The following KLHL29 variants were observed in gnomAD, a reference collection of about 807,000 sequenced individuals.
KLHL29 encodes the protein kelch-like protein 29.
KLHL29 carries 21 observed loss-of-function variants against 80.4 expected under a neutral mutation model. That is an observed-to-expected ratio of 0.26 (90% CI 0.19 to 0.38). KLHL29 has a LOEUF of 0.38. Ranked by LOEUF, KLHL29 falls within the 10% of genes least tolerant of loss-of-function variation. The pLI, the probability that KLHL29 is intolerant of heterozygous loss-of-function variation, is 1.00. For synonymous variants in KLHL29, 511 were observed against 526.8 expected, an observed-to-expected ratio of 0.97 and a Z score of 0.41; for missense variants, 867 against 1,223.9, an observed-to-expected ratio of 0.71 and a Z score of 4.35.
At chr2:23,580,533 A>AGCCGG in intron 3 of KLHL29, among the ~76,000 whole-genome samples, 2 of 38,024 alleles carry the variant, frequency 5.3e-5, no homozygotes, top group African/African-American at 1.4e-4. Flanking sequence ...AAATTAGCTT[A>AGCCGG]GCGTGGTGGC....
At chr2:23,616,803 T>C (rs908244087) in intron 3 of KLHL29, 1 of 152,224 alleles carries the variant, frequency 6.6e-6, no homozygotes, top group African/African-American at 2.4e-5. Context: ...TCTGTGTGAC[T>C]CTGGCACCGT....
In KLHL29 at chr2:23,671,052, A is replaced by C. The variant is rs1238948733; in HGVS notation, c.941-13347A>C. Among the ~76,000 whole-genome samples the C allele has an allele frequency of 2.5e-4, 11 of 44,212 alleles. 4 individuals carry two copies. The highest frequency in any genetic ancestry group is 0.021 in the East Asian group (2 of 94). 29.0% of individuals were successfully genotyped at this position (44,212 alleles called of 152,430 possible). A position where few individuals can be genotyped will look rare whatever the true frequency, so the allele number is the denominator to read the frequency against. The stretch of plus-strand genomic sequence containing the variant: ...CTAACCTCACATCCTCCCAGCTGTG[A>C]CTCCTCCCTGGATGGGATTCGCAGT... On this transcript the variant is annotated intron_variant, in intron 5 of 13. Transcript: ENST00000486442.
intron 5 of KLHL29, among the ~76,000 whole-genome samples, chr2:23,675,624 G>A (rs562160499): frequency 3.2e-4 from 48 of 152,322 alleles, no homozygotes; most frequent in African/African-American, 1.2e-3. Flanking sequence ...TGGCTGCTGG[G>A]GTGGTCACTT....
chr2:23,458,131 C>T (rs141855742), intron 1 of KLHL29, among the ~76,000 whole-genome samples: 4 of 152,226 alleles, frequency 2.6e-5, no homozygotes, highest in East Asian at 1.9e-4. Flanking sequence ...AGGTGGCCGG[C>T]GTTGCCCCAG....
At chr2:23,634,202 G>T (rs1572454166) in intron 3 of KLHL29, among the ~76,000 whole-genome samples, 1 of 152,122 alleles carries the variant, frequency 6.6e-6, no homozygotes, top group East Asian at 1.9e-4. Flanking sequence ...AGCCCTGTCT[G>T]CACCACATGG....
At chr2:23,422,520 CTGTG>C (rs1161084353) in intron 1 of KLHL29, among the ~76,000 whole-genome samples, 2 of 148,618 alleles carry the variant, frequency 1.3e-5, no homozygotes, top group Non-Finnish European at 3.0e-5. Flanking sequence ...ATGTGTGTCT[CTGTG>C]TGTGTCCATG....
At position 23,639,201 on chromosome 2, in the gene KLHL29, G is replaced by A. The variant is rs78687339; in HGVS notation, c.348G>A (p.Gly116=). 0.016 allele frequency: 25,264 copies of A among 1,547,392 alleles called. 288 individuals are homozygous for A. The highest frequency in any genetic ancestry group is 0.019 in the Non-Finnish European group (21,709 of 1,145,252). The change falls in exon 4 of 14, where the codon GGG becomes GGA. Residue 116 remains glycine, a synonymous_variant. Coordinates refer to ENST00000486442, the MANE Select transcript of KLHL29 (RefSeq NM_052920.2). The part of the protein sequence containing the change: ...SQGLATSIRW[G]QTPINQSTPW... ...GACTGGCGACCAGCATCCGGTGGGGGCAGACGCCTATCAATCAGTCCACAC... is the reference window on the plus strand; with the variant it reads ...GACTGGCGACCAGCATCCGGTGGGGACAGACGCCTATCAATCAGTCCACAC...
Position 23,562,323 on chromosome 2 carries a change from A to C in KLHL29, c.127A>C (p.Thr43Pro), listed in dbSNP as rs764812960. The change falls in exon 3 of 14, where the codon ACA becomes CCA. Residue 43 changes from threonine (T) to proline (P), a missense_variant. Transcript: ENST00000486442. The surrounding 1 kb of genome is among the most constrained non-coding windows in gnomAD (Gnocchi z 4.5). ...TGTCACCTCGGGGGCCGGTGGCGGC[A>C]CAGCCAGCAGCCTCAGCGTCCGGCC... ...CSVTSGAGGG[T>P]ASSLSVRPGL... 12 of 1,544,912 alleles carry C rather than the reference A, an allele frequency of 7.8e-6. No individual in the cohort carries two copies. Among genetic ancestry groups the C allele is most frequent in the East Asian group, 2.5e-5 (1 of 40,774 alleles).
chr2:23,672,466 C>A (rs1292449606), intron 5 of KLHL29: 1 of 152,454 alleles, frequency 6.6e-6, no homozygotes, highest in Non-Finnish European at 1.5e-5. Context: ...GACATGCCCC[C>A]CTCATATGTG....
chr2:23,695,877 T>G lies in KLHL29; in HGVS notation c.1741+56T>G. The G allele has an allele frequency of 6.5e-7, 1 of 1,534,068 alleles. No homozygotes were observed. Among genetic ancestry groups the G allele is most frequent in the South Asian group, 1.2e-5 (1 of 81,230 alleles). On this transcript the variant is annotated intron_variant, in intron 9 of 13. Transcript: ENST00000486442. The surrounding 1 kb of genome is among the most constrained non-coding windows in gnomAD (Gnocchi z 7.6). The stretch of plus-strand genomic sequence containing the variant: ...GAAGCAGTGTCTTGGGCTCAGTGGT[T>G]CCAGTGAGGTGCCAGGCACAGATGC...
At chr2:23,648,711 C>T (rs559907712) in intron 5 of KLHL29, among the ~76,000 whole-genome samples, 53 of 152,312 alleles carry the variant, frequency 3.5e-4, no homozygotes, top group Middle Eastern at 3.4e-3. Flanking sequence ...ATGGCCACGT[C>T]AATAGATGGG....
At chr2:23,489,154 A>T (rs1363457758) in intron 2 of KLHL29, among the ~76,000 whole-genome samples, 1 of 152,230 alleles carries the variant, frequency 6.6e-6, no homozygotes, top group Non-Finnish European at 1.5e-5. Context: ...GTGGGCTCTA[A>T]CAATGTGACA....
intron 1 of KLHL29, among the ~76,000 whole-genome samples, chr2:23,442,224 G>A (rs1663547665): frequency 6.6e-6 from 1 of 152,084 alleles, no homozygotes; most frequent in Non-Finnish European, 1.5e-5. Flanking sequence ...CCAAGTAGCT[G>A]AGACCACAGA....
At chr2:23,424,362 C>T (rs1662948251) in intron 1 of KLHL29, among the ~76,000 whole-genome samples, 2 of 152,140 alleles carry the variant, frequency 1.3e-5, no homozygotes, top group South Asian at 2.1e-4. Flanking sequence ...AAATCAGACT[C>T]GGTCACCATT....
At chr2:23,535,462 A>T (rs949056799) in intron 2 of KLHL29, among the ~76,000 whole-genome samples, 3 of 152,278 alleles carry the variant, frequency 2.0e-5, no homozygotes, top group Non-Finnish European at 4.4e-5. Context: ...TAATAGCAGC[A>T]TTATTCACAA....
intron 1 of KLHL29, among the ~76,000 whole-genome samples, chr2:23,431,815 A>G: frequency 6.8e-6 from 1 of 147,856 alleles, no homozygotes; most frequent in Non-Finnish European, 1.5e-5. Flanking sequence ...AATGGCGTGA[A>G]CCCGGGAGGC....
intron 1 of KLHL29, among the ~76,000 whole-genome samples, chr2:23,395,797 C>G (rs1666439731): frequency 6.6e-6 from 1 of 152,044 alleles, no homozygotes; most frequent in Non-Finnish European, 1.5e-5. Context: ...TCAACACTGC[C>G]TTGGCAGCAT....
chr2:23,651,243 T>A (rs956951381), intron 5 of KLHL29, among the ~76,000 whole-genome samples: 50 of 152,362 alleles, frequency 3.3e-4, no homozygotes, highest in Non-Finnish European at 8.8e-5. Flanking sequence ...ATATCTATGT[T>A]CAAGGGAAGC....
Position 23,385,566 on chromosome 2 carries a change from G to T in KLHL29, c.-368G>T. Reference sequence around the variant, plus strand: ...GGGCATCCTCCCTGGGCTGCCGGGAGGCGGCGGCGGCGGAGGAGGAGGAGG... The same window carrying T: ...GGGCATCCTCCCTGGGCTGCCGGGATGCGGCGGCGGCGGAGGAGGAGGAGG... On this transcript the variant is annotated 5_prime_UTR_variant, in exon 1 of 14. In the 5' UTR this introduces an upstream ATG that the reference lacks. Coordinates refer to ENST00000486442, the MANE Select transcript of KLHL29 (RefSeq NM_052920.2). 1 of 171,160 alleles carries T rather than the reference G, an allele frequency of 5.8e-6. No homozygotes were observed. The highest frequency in any genetic ancestry group is 1.8e-4 in the South Asian group (1 of 5,544). The allele number at this position is 171,160 out of a possible 1,614,324, so 10.6% of individuals were successfully genotyped here. A position where few individuals can be genotyped will look rare whatever the true frequency, so the allele number is the denominator to read the frequency against.
Sources: allele counts gnomAD v4.1 joint callset (sites outside exome capture counted in the v4.1 genomes callset), GRCh38; gene constraint gnomAD v4.1.1; non-coding constraint Gnocchi (gnomAD v3.1); transcripts MANE v1.5; gene names NCBI Gene and HGNC (gene_info 2026-07-23, HGNC 2026-07-21).